ZNF808: variants seen among roughly 807,000 people sequenced by gnomAD.
ZNF808 encodes the protein zinc finger protein 808.
A neutral mutation model predicts 8.7 loss-of-function variants in ZNF808; 5 were observed. The ratio of observed to expected loss-of-function variants is 0.58; its 90% CI spans 0.30 to 1.21. The LOEUF (loss-of-function observed/expected upper bound fraction) is 1.21. ZNF808 is among the 50% of genes most tolerant of loss of function. The pLI is 0.07. For missense variants in ZNF808, 1,103 were observed against 1,098.4 expected (o/e 1.00, Z -0.06); for synonymous variants, 380 against 366.0 (o/e 1.04, Z -0.44).
At chr19:52,560,048 A>G (rs2059851358), downstream of ZNF808, among the ~76,000 whole-genome samples, 1 of 152,216 alleles carries the variant, frequency 6.6e-6, no homozygotes, top group South Asian at 2.1e-4. Context: ...GTTATTAGTA[A>G]GGATTGGCCG....
chr19:52,562,112 C>G (rs1018260950), intron 3 of ZNF808, among the ~76,000 whole-genome samples: 5 of 151,920 alleles, frequency 3.3e-5, no homozygotes, highest in African/African-American at 1.2e-4. Context: ...GAGTTTGAGA[C>G]CAGTCAGGTA....
Position 52,564,163 on chromosome 19 carries a change from A to C in ZNF808, c.*1268A>C, listed in dbSNP as rs1295469245. On this transcript the variant is annotated 3_prime_UTR_variant and NMD_transcript_variant, in exon 4 of 4. Transcript: ENST00000487863. Reference sequence around the variant, plus strand: ...TCCGATTTCCCAGTGGATTCGAATGAAAACTGGCAATAAAATCAGGTCCAA... The same window carrying C: ...TCCGATTTCCCAGTGGATTCGAATGCAAACTGGCAATAAAATCAGGTCCAA... The C allele has an allele frequency of 4.1e-6, 3 of 731,848 alleles. No homozygotes were observed. In the African/African-American group the frequency reaches 5.3e-5, roughly 13 times the overall value. The allele number at this position is 731,848 out of a possible 1,614,324, so 45.3% of individuals were successfully genotyped here. A position where few individuals can be genotyped will look rare whatever the true frequency, so the allele number is the denominator to read the frequency against.
chr19:52,541,867 C>T (rs1426499219), intron 2 of ZNF808, among the ~76,000 whole-genome samples: 1 of 152,106 alleles, frequency 6.6e-6, no homozygotes, highest in African/African-American at 2.4e-5. Context: ...AAACAGGCAT[C>T]CCCACCTTCA....
chr19:52,546,284 T>A (rs326440), intron 3 of ZNF808, among the ~76,000 whole-genome samples: 52,741 of 151,170 alleles, frequency 0.35, 10,370 homozygotes, highest in East Asian at 0.52. Context: ...GCCTCCTGAT[T>A]TCAAGCAATT....
At chr19:52,550,882 A>C (rs1229481810) in intron 4 of ZNF808, among the ~76,000 whole-genome samples, 3 of 152,128 alleles carry the variant, frequency 2.0e-5, no homozygotes, top group Non-Finnish European at 4.4e-5. Context: ...GTTGATGATG[A>C]GATGCCCCTT....
At chr19:52,568,242 C>T (rs1048097916), downstream of ZNF808, among the ~76,000 whole-genome samples, 12 of 152,144 alleles carry the variant, frequency 7.9e-5, no homozygotes, top group African/African-American at 2.7e-4. Flanking sequence ...GGCATGGTGG[C>T]GCACGCCTGT....
intron 2 of ZNF808, among the ~76,000 whole-genome samples, chr19:52,536,371 G>C (rs1453031990): frequency 2.0e-5 from 3 of 152,086 alleles, no homozygotes; most frequent in African/African-American, 7.2e-5. Flanking sequence ...TCCCGCCCTG[G>C]GCGCCTCCCA....
chr19:52,561,612 A>G (rs547054901), intron 3 of ZNF808, among the ~76,000 whole-genome samples: 2 of 151,820 alleles, frequency 1.3e-5, no homozygotes, highest in Admixed American at 1.3e-4. Context: ...CAATGGCGCA[A>G]TCTCGGCTCA....
chr19:52,535,813 A>C (rs57798377), intron 2 of ZNF808, among the ~76,000 whole-genome samples: 2,852 of 151,476 alleles, frequency 0.019, 79 homozygotes, highest in African/African-American at 0.066. Context: ...GGCCGCTCTC[A>C]CCTCCAAACA....
chr19:52,564,146 C>G (rs2059866725), exon 4 of ZNF808: 3 of 709,306 alleles, frequency 4.2e-6, no homozygotes, highest in Non-Finnish European at 7.6e-6. Context: ...CGTCCGATTT[C>G]CCAGTGGATT....
At position 52,529,909 on chromosome 19, in the gene ZNF808, A is replaced by ATT. The variant is rs766981559; in HGVS notation, c.-122+2199_-122+2200insTT. 7.8e-3 allele frequency among the ~76,000 whole-genome samples: 1,048 copies of ATT among 134,178 alleles called. 9 individuals carry two copies. Among genetic ancestry groups the ATT allele is most frequent in the African/African-American group, 0.029 (935 of 31,944 alleles). 88.0% of individuals were successfully genotyped at this position (134,178 alleles called of 152,430 possible). ...CTAGTTTACATATATATATATATAT[A>ATT]TATTTTTTTTTTTTGTAGAAACGTG... On this transcript the variant is annotated intron_variant, in intron 1 of 4. Transcript: ENST00000359798.
chr19:52,568,492 GCAT>G (rs891473119), downstream of ZNF808, among the ~76,000 whole-genome samples: 1 of 139,984 alleles, frequency 7.1e-6, no homozygotes, highest in African/African-American at 2.5e-5. Context: ...AGACCTCCTG[GCAT>G]CATTGTCCCT....
chr19:52,559,828 G>A (rs769649299), downstream of ZNF808, among the ~76,000 whole-genome samples: 8 of 152,100 alleles, frequency 5.3e-5, no homozygotes, highest in East Asian at 1.5e-3. Flanking sequence ...CCAGATTACA[G>A]TGATTCTGTT....
At chr19:52,541,092 C>T (rs976401106) in intron 2 of ZNF808, among the ~76,000 whole-genome samples, 3 of 152,040 alleles carry the variant, frequency 2.0e-5, no homozygotes, top group Non-Finnish European at 4.4e-5. Context: ...GCAGGGACTA[C>T]AGGCCCCCGC....
chr19:52,528,760 A>G (rs2059533977), intron 1 of ZNF808, among the ~76,000 whole-genome samples: 1 of 152,068 alleles, frequency 6.6e-6, no homozygotes, highest in Non-Finnish European at 1.5e-5. Flanking sequence ...GAGTGGGGAC[A>G]GGGGAGTATA....
At chr19:52,558,091 T>C (rs10410952), downstream of ZNF808, among the ~76,000 whole-genome samples, 683 of 146,696 alleles carry the variant, frequency 4.7e-3, 3 homozygotes, top group Non-Finnish European at 7.9e-3. Flanking sequence ...TTCTTTCTTT[T>C]TTTTTTTTTT....
At position 52,553,499 on chromosome 19, in the gene ZNF808, A is replaced by T; in HGVS notation, c.583A>T (p.Arg195Ter). 6.2e-7 allele frequency: 1 copy of T among 1,614,182 alleles called. No homozygotes were observed. The highest frequency in any genetic ancestry group is 8.5e-7 in the Non-Finnish European group (1 of 1,180,024). Residue 195 changes from arginine (R) to a stop codon, truncating the protein, a stop_gained, in exon 5 of 5, where the codon AGA becomes TGA. Transcript: ENST00000359798. LOFTEE classifies it low-confidence loss of function (END_TRUNC). ...SDASSVSTSQ[R>*]ISCRPQIHIS... ...TGCTTCCTCAGTTTCAACATCCCAAAGAATTTCCTGTAGGCCCCAAATCCA... is the reference window on the plus strand; with the variant it reads ...TGCTTCCTCAGTTTCAACATCCCAATGAATTTCCTGTAGGCCCCAAATCCA...
intron 3 of ZNF808, 119 bp from the exon 4 acceptor site, chr19:52,547,393 C>G: frequency 6.4e-7 from 1 of 1,553,390 alleles, no homozygotes; most frequent in Non-Finnish European, 8.7e-7. Context: ...ACCTTAACAT[C>G]CTTTTGTCAG....
chr19:52,567,427 CTTT>C (rs1292921599), downstream of ZNF808, among the ~76,000 whole-genome samples: 1 of 135,532 alleles, frequency 7.4e-6, no homozygotes. Context: ...TTTTTTTTTT[CTTT>C]TTTTTTTTAA....
Sources: allele counts gnomAD v4.1 joint callset (sites outside exome capture counted in the v4.1 genomes callset), GRCh38; gene constraint gnomAD v4.1.1; transcripts MANE v1.5; gene names NCBI Gene and HGNC (gene_info 2026-07-23, HGNC 2026-07-21).